The following AUTS2 variants were observed in gnomAD, a reference collection of about 807,000 sequenced individuals.
AUTS2 encodes the protein activator of transcription and developmental regulator AUTS2.
A neutral mutation model predicts 112.4 loss-of-function variants in AUTS2; 17 were observed. That is an observed-to-expected ratio of 0.15 (90% CI 0.10 to 0.23). The LOEUF (loss-of-function observed/expected upper bound fraction) is 0.23, where lower values mean the gene tolerates loss of function less well. Ranked by LOEUF, AUTS2 falls within the 10% of genes least tolerant of loss-of-function variation. The pLI, the probability that AUTS2 is intolerant of heterozygous loss-of-function variation, is 1.00. For synonymous variants in AUTS2, 751 were observed against 702.7 expected, an observed-to-expected ratio of 1.07 and a Z score of -1.09; for missense variants, 1,510 against 1,701.6, an observed-to-expected ratio of 0.89 and a Z score of 1.98.
intron 4 of AUTS2, among the ~76,000 whole-genome samples, chr7:70,357,682 A>G (rs1350979964): frequency 6.6e-6 from 1 of 152,166 alleles, no homozygotes; most frequent in African/African-American, 2.4e-5. Context: ...TAGACTTGAT[A>G]CTTTAGAAAA....
rs544453084 is a variant in AUTS2 at position 70,402,174 on chromosome 7, T to A, written c.661-33578T>A. Among the ~76,000 whole-genome samples the A allele has an allele frequency of 2.0e-5, 3 of 152,364 alleles. No homozygotes were observed. In the South Asian group the frequency reaches 6.2e-4, roughly 32 times the overall value. ...TCCAGGGTGCCCAGCAATTGGCACA[T>A]CTTAAGTGAAAGAAAACAAATTGAG... On this transcript the variant is annotated intron_variant, in intron 4 of 18. Coordinates refer to ENST00000342771, the MANE Select transcript of AUTS2 (RefSeq NM_015570.4).
chr7:69,995,674 G>A (rs1312631685), intron 2 of AUTS2, among the ~76,000 whole-genome samples: 1 of 152,166 alleles, frequency 6.6e-6, no homozygotes, highest in Non-Finnish European at 1.5e-5. Flanking sequence ...TCCTTCATCA[G>A]AATTGCCGCT....
chr7:70,598,214 C>G (rs1272782613), intron 5 of AUTS2, among the ~76,000 whole-genome samples: 2 of 152,114 alleles, frequency 1.3e-5, no homozygotes, highest in African/African-American at 2.4e-5. Context: ...GGTTTTTCCC[C>G]TCTCCCCTAG....
Position 70,792,614 on chromosome 7 carries a change from TG to T in AUTS2, c.*1619del, listed in dbSNP as rs1223820261. The stretch of plus-strand genomic sequence containing the variant: ...TTTGTGAACTCCAGATGTTGTGCGG[TG>T]TTTTTTTTTTTTTTTAAGACAACAA... On this transcript the variant is annotated 3_prime_UTR_variant, in exon 19 of 19. Coordinates refer to ENST00000342771, the MANE Select transcript of AUTS2 (RefSeq NM_015570.4). 54 of 139,196 alleles carry T rather than the reference TG, an allele frequency of 3.9e-4. No homozygotes were observed. Among genetic ancestry groups the T allele is most frequent in the African/African-American group, 1.3e-3 (50 of 37,280 alleles). 8.6% of individuals were successfully genotyped at this position (139,196 alleles called of 1,614,324 possible).
At chr7:69,695,123 G>A (rs1797500369) in intron 1 of AUTS2, among the ~76,000 whole-genome samples, 1 of 152,082 alleles carries the variant, frequency 6.6e-6, no homozygotes, top group East Asian at 1.9e-4. Context: ...AGGAGTTTGA[G>A]ATCAGCTTGG....
At chr7:70,108,800 A>T (rs1804912427) in intron 2 of AUTS2, among the ~76,000 whole-genome samples, 1 of 95,148 alleles carries the variant, frequency 1.1e-5, no homozygotes, top group Admixed American at 1.1e-4. Flanking sequence ...AAAAAAAAAA[A>T]AAAAAAAAAA....
At chr7:69,957,021 CCTGA>C (rs1046465969) in intron 2 of AUTS2, among the ~76,000 whole-genome samples, 6 of 151,586 alleles carry the variant, frequency 4.0e-5, no homozygotes, top group African/African-American at 1.2e-4. Context: ...GATCACCACG[CCTGA>C]CTAAGTTTTT....
intron 5 of AUTS2, among the ~76,000 whole-genome samples, chr7:70,494,044 A>C (rs1798352460): frequency 6.6e-6 from 1 of 152,216 alleles, no homozygotes; most frequent in Non-Finnish European, 1.5e-5. Context: ...ATTTAAAATA[A>C]ATAAATAGGG....
chr7:70,196,365 C>G (rs73171711), intron 4 of AUTS2, among the ~76,000 whole-genome samples: 1 of 152,148 alleles, frequency 6.6e-6, no homozygotes, highest in African/African-American at 2.4e-5. Context: ...AGCTTTCCCT[C>G]CCTTCTTTTA....
chr7:69,961,295 C>A (rs571858920), intron 2 of AUTS2, among the ~76,000 whole-genome samples: 1 of 152,122 alleles, frequency 6.6e-6, no homozygotes, highest in Non-Finnish European at 1.5e-5. Context: ...AAATGTATAA[C>A]TCCCTCTATC....
intron 4 of AUTS2, among the ~76,000 whole-genome samples, chr7:70,394,313 C>T (rs1793992737): frequency 6.6e-6 from 1 of 152,146 alleles, no homozygotes; most frequent in Non-Finnish European, 1.5e-5. Context: ...TTGAAGTAGT[C>T]CCCATTTTAC....
intron 5 of AUTS2, among the ~76,000 whole-genome samples, chr7:70,659,662 A>C (rs1011780): frequency 0.29 from 44,689 of 152,068 alleles, 6,999 homozygotes; most frequent in African/African-American, 0.35. Flanking sequence ...TGGAACTGTT[A>C]TGGCTGGGAA....
At chr7:70,354,807 T>A (rs1030614120) in intron 4 of AUTS2, among the ~76,000 whole-genome samples, 9 of 152,256 alleles carry the variant, frequency 5.9e-5, no homozygotes, top group Non-Finnish European at 1.0e-4. Context: ...CAATTACATG[T>A]TGAAGTGATA....
At chr7:69,919,695 A>G (rs745331028) in intron 2 of AUTS2, among the ~76,000 whole-genome samples, 2 of 152,170 alleles carry the variant, frequency 1.3e-5, no homozygotes, top group Non-Finnish European at 2.9e-5. Context: ...CAGAATGCAG[A>G]TGTTGTATTC....
intron 4 of AUTS2, among the ~76,000 whole-genome samples, chr7:70,204,736 A>G (rs1029116208): frequency 6.6e-6 from 1 of 152,158 alleles, no homozygotes; most frequent in African/African-American, 2.4e-5. Flanking sequence ...AGCACCTGGT[A>G]ACCAATAAAT....
rs1164066489 is a variant in AUTS2, at chr7:70,789,992, G to T, written c.2776G>T (p.Gly926Trp). Residue 926 changes from glycine (G) to tryptophan (W), a missense_variant, in exon 19 of 19, where the codon GGG becomes TGG. Physicochemically the swap from Gly to Trp is radical, Grantham distance 184. Coordinates refer to ENST00000342771, the MANE Select transcript of AUTS2 (RefSeq NM_015570.4). ...CGAGAAGGACGGGCACGGCCACGAGGGGCGCGCCGCGGGCGAAGAGGCCAA... is the reference window on the plus strand; with the variant it reads ...CGAGAAGGACGGGCACGGCCACGAGTGGCGCGCCGCGGGCGAAGAGGCCAA... ...LPEKDGHGHE[G>W]RAAGEEAKQL... 1 of 1,607,432 alleles carries T rather than the reference G, an allele frequency of 6.2e-7. No individual in the cohort carries two copies. The highest frequency in any genetic ancestry group is 1.7e-5 in the Admixed American group (1 of 59,110).
intron 4 of AUTS2, among the ~76,000 whole-genome samples, chr7:70,351,856 C>T (rs1400450717): frequency 2.0e-5 from 3 of 151,976 alleles, no homozygotes; most frequent in Non-Finnish European, 4.4e-5. Context: ...TGCCTGCTAG[C>T]ACACCCAACT....
intron 1 of AUTS2, among the ~76,000 whole-genome samples, chr7:69,875,405 C>A (rs1166195506): frequency 1.3e-5 from 2 of 152,092 alleles, no homozygotes; most frequent in Non-Finnish European, 2.9e-5. Context: ...TTTCTTGCTC[C>A]TATCTGAGCC....
chr7:69,692,569 C>CTGT (rs1183524780), intron 1 of AUTS2, among the ~76,000 whole-genome samples: 2 of 152,192 alleles, frequency 1.3e-5, no homozygotes, highest in African/African-American at 4.8e-5. Context: ...TGGTTCTTAT[C>CTGT]TGTTGTCTCT....
Sources: allele counts gnomAD v4.1 joint callset (sites outside exome capture counted in the v4.1 genomes callset), GRCh38; gene constraint gnomAD v4.1.1; transcripts MANE v1.5; gene names NCBI Gene and HGNC (gene_info 2026-07-23, HGNC 2026-07-21).